The following PLCG1 variants were observed in gnomAD, a reference collection of about 807,000 sequenced individuals.
PLCG1 encodes the protein phospholipase C gamma 1, also known as 1-phosphatidylinositol 4,5-bisphosphate phosphodiesterase gamma-1.
In PLCG1, 71 loss-of-function variants were observed where a neutral mutation model predicts 177.8. The observed-to-expected ratio is 0.40, with a 90% CI of 0.33 to 0.49. The LOEUF (loss-of-function observed/expected upper bound fraction) is 0.49. Ranked by LOEUF, PLCG1 falls within the 20% of genes least tolerant of loss-of-function variation. PLCG1 has a pLI of 0.72. For synonymous variants in PLCG1, 658 were observed against 647.9 expected, an observed-to-expected ratio of 1.02 and a Z score of -0.24; for missense variants, 1,281 against 1,709.0, an observed-to-expected ratio of 0.75 and a Z score of 4.42.
rs892226258 is a variant in PLCG1 at position 41,160,299 on chromosome 20, G to C, written c.512+146G>C. On this transcript the variant is annotated intron_variant, in intron 4 of 31. Transcript: ENST00000685551. The surrounding 1 kb of genome is among the most constrained non-coding windows in gnomAD (Gnocchi z 5.5). ...GAGGGTGGGCAGAAGGTTCTGCCAC[G>C]TGTAGCTTTCTGCACAAAGTCCTCT... 3 of 729,166 alleles carry C rather than the reference G, an allele frequency of 4.1e-6. No individual in the cohort carries two copies. The highest frequency in any genetic ancestry group is 3.5e-5 in the African/African-American group (2 of 57,508). The allele number at this position is 729,166 out of a possible 1,614,324, so 45.2% of individuals were successfully genotyped here.
chr20:41,137,638 A>G lies in PLCG1; in HGVS notation c.-4A>G. 7.6e-7 allele frequency: 1 copy of G among 1,318,638 alleles called. No homozygotes were observed. Among genetic ancestry groups the G allele is most frequent in the Non-Finnish European group, 9.7e-7 (1 of 1,033,082 alleles). 81.7% of individuals were successfully genotyped at this position (1,318,638 alleles called of 1,614,324 possible). Reference sequence around the variant, plus strand: ...GTGCCGCCGCCGCCCCCAGCGTCGGAGCCATGGCGGGCGCCGCGTCCCCTT... The same window carrying G: ...GTGCCGCCGCCGCCCCCAGCGTCGGGGCCATGGCGGGCGCCGCGTCCCCTT... On this transcript the variant is annotated 5_prime_UTR_variant, in exon 1 of 32. Transcript: ENST00000685551. This position sits in a 1 kb window ranked among gnomAD's most constrained non-coding sequence, Gnocchi z 7.3.
At position 41,172,113 on chromosome 20, in the gene PLCG1, C is replaced by T; in HGVS notation, c.2809-80C>T. 2.8e-6 allele frequency: 3 copies of T among 1,058,324 alleles called. No homozygotes were observed. The highest frequency in any genetic ancestry group is 4.5e-6 in the Non-Finnish European group (3 of 673,546). 65.6% of individuals were successfully genotyped at this position (1,058,324 alleles called of 1,614,324 possible). Reference sequence around the variant, plus strand: ...GGGCCCAGAGCACCTGCAGTGTGGGCATGCCCAAGGTTGGCAGGGGCTTCC... The same window carrying T: ...GGGCCCAGAGCACCTGCAGTGTGGGTATGCCCAAGGTTGGCAGGGGCTTCC... On this transcript the variant is annotated intron_variant, in intron 24 of 31. Coordinates refer to ENST00000685551, the MANE Select transcript of PLCG1 (RefSeq NM_002660.3). The surrounding 1 kb of genome is among the most constrained non-coding windows in gnomAD (Gnocchi z 7.0).
At position 41,165,477 on chromosome 20, in the gene PLCG1, A is replaced by C. The variant is rs1331750428; in HGVS notation, c.1537A>C (p.Thr513Pro). The change falls in exon 15 of 32, where the codon ACC becomes CCC. Residue 513 changes from threonine (T) to proline (P), a missense_variant. Around this residue, in one of 4 missense-constraint regions of PLCG1, gnomAD observed 723 missense variants for 1,030.0 expected, o/e 0.70. Coordinates refer to ENST00000685551, the MANE Select transcript of PLCG1 (RefSeq NM_002660.3). This position sits in a 1 kb window ranked among gnomAD's most constrained non-coding sequence, Gnocchi z 6.6. ...HEWYPHYFVL[T>P]SSKIYYSEET... ...ATGGTATCCCCACTACTTTGTTCTG[A>C]CCAGCAGCAAGATCTACTACTCTGA... 1 of 1,613,996 alleles carries C rather than the reference A, an allele frequency of 6.2e-7. No individual in the cohort carries two copies. Among genetic ancestry groups the C allele is most frequent in the Non-Finnish European group, 8.5e-7 (1 of 1,179,960 alleles).
At chr20:41,162,236 T>TG in intron 4 of PLCG1, 1 of 89,310 alleles carries the variant, frequency 1.1e-5, no homozygotes, top group Non-Finnish European at 2.0e-5. Context: ...TTTGTTTTTG[T>TG]TTTTTTTTTT....
Position 41,173,337 on chromosome 20 carries a change from C to A in PLCG1, c.3280-83C>A. The A allele has an allele frequency of 7.0e-7, 1 of 1,419,044 alleles. No homozygotes were observed. The highest frequency in any genetic ancestry group is 2.6e-5 in the Admixed American group (1 of 38,638). The allele number at this position is 1,419,044 out of a possible 1,614,324, so 87.9% of individuals were successfully genotyped here. On this transcript the variant is annotated intron_variant, in intron 27 of 31. Coordinates refer to ENST00000685551, the MANE Select transcript of PLCG1 (RefSeq NM_002660.3). The surrounding 1 kb of genome is among the most constrained non-coding windows in gnomAD (Gnocchi z 6.2). ...AGCAGAGGGCGCGCTGCCTCCACTCCACAGATGCTGACTGAGCCTCCGCAG... is the reference window on the plus strand; with the variant it reads ...AGCAGAGGGCGCGCTGCCTCCACTCAACAGATGCTGACTGAGCCTCCGCAG...
chr20:41,156,052 A>T lies in PLCG1; in HGVS notation c.218-3554A>T, dbSNP rs1158235397. On this transcript the variant is annotated intron_variant, in intron 1 of 31. Coordinates refer to ENST00000685551, the MANE Select transcript of PLCG1 (RefSeq NM_002660.3). This position sits in a 1 kb window ranked among gnomAD's most constrained non-coding sequence, Gnocchi z 5.0. The stretch of plus-strand genomic sequence containing the variant: ...GCCCCAGGATTCTGCCTGGGGCACC[A>T]GGAAGCCTGGCTTATGAGAAGGTTC... 1.2e-4 allele frequency among the ~76,000 whole-genome samples: 18 copies of T among 152,218 alleles called. No individual in the cohort carries two copies.
Position 41,148,418 on chromosome 20 carries a change from G to T in PLCG1, c.217+10560G>T, listed in dbSNP as rs979948742. 1.3e-5 allele frequency among the ~76,000 whole-genome samples: 2 copies of T among 152,098 alleles called. No individual in the cohort carries two copies. The highest frequency in any genetic ancestry group is 4.8e-5 in the African/African-American group (2 of 41,420). ...GTTTCCTTGTAGGAGGGAGACCCCA[G>T]ATTTTTATTTCTTCTCCCAACCCAT... On this transcript the variant is annotated intron_variant, in intron 1 of 31. Coordinates refer to ENST00000685551, the MANE Select transcript of PLCG1 (RefSeq NM_002660.3). This position sits in a 1 kb window ranked among gnomAD's most constrained non-coding sequence, Gnocchi z 4.3.
chr20:41,164,176 A>T lies in PLCG1; in HGVS notation c.1192A>T (p.Lys398Ter). 1 of 1,614,030 alleles carries T rather than the reference A, an allele frequency of 6.2e-7. No homozygotes were observed. The highest frequency in any genetic ancestry group is 8.5e-7 in the Non-Finnish European group (1 of 1,179,986). Residue 398 changes from lysine to a stop codon, truncating the protein, a stop_gained, in exon 12 of 32, where the codon AAG becomes TAG. Coordinates refer to ENST00000685551, the MANE Select transcript of PLCG1 (RefSeq NM_002660.3). LOFTEE classifies it high-confidence loss of function. The surrounding 1 kb of genome is among the most constrained non-coding windows in gnomAD (Gnocchi z 6.4). ...IKFSDVLHTIKEHAFVASEYP... is the reference protein window; with the variant it reads ...IKFSDVLHTI ...GTTCTCAGATGTCCTGCACACCATC[A>T]AGGAGCATGCCTTTGTGGCCTCAGA... is the stretch of plus-strand genomic sequence containing the variant.
rs1428630793 is a variant in PLCG1 at position 41,137,683 on chromosome 20, C to T, written c.42C>T (p.Pro14=). 11 of 1,321,762 alleles carry T rather than the reference C, an allele frequency of 8.3e-6. No homozygotes were observed. In the South Asian group the frequency reaches 1.9e-4, roughly 23 times the overall value. 81.9% of individuals were successfully genotyped at this position (1,321,762 alleles called of 1,614,324 possible). The change falls in exon 1 of 32, where the codon CCC becomes CCT. Residue 14 remains proline (P), a synonymous_variant. Transcript: ENST00000685551. This position sits in a 1 kb window ranked among gnomAD's most constrained non-coding sequence, Gnocchi z 7.3. ...CCCCTTGCGCCAACGGCTGCGGGCC[C>T]GGCGCGCCCTCGGACGCCGAGGTGC... is the stretch of plus-strand genomic sequence containing the variant. ...AASPCANGCG[P]GAPSDAEVLH...
chr20:41,160,089 C>A lies in PLCG1; in HGVS notation c.465-17C>A. On this transcript the variant is annotated splice_polypyrimidine_tract_variant and intron_variant, in intron 3 of 31. Coordinates refer to ENST00000685551, the MANE Select transcript of PLCG1 (RefSeq NM_002660.3). The surrounding 1 kb of genome is among the most constrained non-coding windows in gnomAD (Gnocchi z 5.5). Reference sequence around the variant, plus strand: ...GTAGATGGAGAAGTGGCCCTCACCTCAGGCTTCTCTCTCCAGGTGGCTCCG... The same window carrying A: ...GTAGATGGAGAAGTGGCCCTCACCTAAGGCTTCTCTCTCCAGGTGGCTCCG... 6.2e-7 allele frequency: 1 copy of A among 1,613,964 alleles called. No individual in the cohort carries two copies. Among genetic ancestry groups the A allele is most frequent in the South Asian group, 1.1e-5 (1 of 91,082 alleles).
chr20:41,166,652 C>T lies in PLCG1; in HGVS notation c.2121-27C>T. ...TGCTTGGGTCTGAGCTGCCCTGACC[C>T]TGTGTGACTGTTTTGTCCTTGTGAA... On this transcript the variant is annotated intron_variant, in intron 18 of 31. Transcript: ENST00000685551. This position sits in a 1 kb window ranked among gnomAD's most constrained non-coding sequence, Gnocchi z 8.6. The T allele has an allele frequency of 6.2e-7, 1 of 1,614,060 alleles. No homozygotes were observed.
chr20:41,158,102 C>T (rs952029412), intron 1 of PLCG1, among the ~76,000 whole-genome samples: 3 of 151,978 alleles, frequency 2.0e-5, no homozygotes, highest in Admixed American at 6.6e-5. Context: ...AGAAATGTGT[C>T]GGGGAGCTAG....
At position 41,146,584 on chromosome 20, in the gene PLCG1, G is replaced by A. The variant is rs1218116587; in HGVS notation, c.217+8726G>A. On this transcript the variant is annotated intron_variant, in intron 1 of 31. Coordinates refer to ENST00000685551, the MANE Select transcript of PLCG1 (RefSeq NM_002660.3). The surrounding 1 kb of genome is among the most constrained non-coding windows in gnomAD (Gnocchi z 6.3). ...TGAGGAGTTGGGCCATGGCGAGTTT[G>A]GCCACTTGTTTGTGTGTGTTTAGTT... Among the ~76,000 whole-genome samples, 1 of 152,214 alleles carries A rather than the reference G, an allele frequency of 6.6e-6. No individual in the cohort carries two copies. The highest frequency in any genetic ancestry group is 2.4e-5 in the African/African-American group (1 of 41,454).
chr20:41,170,021 A>C, intron 23 of PLCG1, 91 bp from the exon 24 acceptor site: 3 of 1,171,318 alleles, frequency 2.6e-6, no homozygotes, highest in Non-Finnish European at 3.7e-6. Context: ...GGGATGAGAT[A>C]GAACTCATTT....
rs1166685113 is a variant in PLCG1, at chr20:41,163,444, C to G, written c.856C>G (p.Arg286Gly). The G allele has an allele frequency of 1.2e-6, 2 of 1,612,318 alleles. No homozygotes were observed. The highest frequency in any genetic ancestry group is 2.2e-5 in the East Asian group (1 of 44,870). Residue 286 changes from arginine (R) to glycine (G), a missense_variant, in exon 9 of 32, where the codon CGA becomes GGA. Physicochemically the swap from Arg to Gly is moderately radical, Grantham distance 125. Around this residue, in one of 4 missense-constraint regions of PLCG1, gnomAD observed 374 missense variants for 443.8 expected, o/e 0.84. Transcript: ENST00000685551. This position sits in a 1 kb window ranked among gnomAD's most constrained non-coding sequence, Gnocchi z 5.2. ...GCTCAGCTTCCTCCGAGACCCCTTACGAGAGATCGAGGAGCCATACTTCTT... is the reference window on the plus strand; with the variant it reads ...GCTCAGCTTCCTCCGAGACCCCTTAGGAGAGATCGAGGAGCCATACTTCTT... ...FMLSFLRDPL[R>G]EIEEPYFFLD... is the part of the protein sequence containing the mutation.
Position 41,176,924 on chromosome 20 carries a change from G to A in PLCG1, c.*2415G>A, listed in dbSNP as rs1982836699. ...CTACAGTGCGACAGCTCAGGGTTAT[G>A]ACCTGTGGAGTCTCAACCCTAACAG... is the stretch of plus-strand genomic sequence containing the variant. On this transcript the variant is annotated 3_prime_UTR_variant, in exon 32 of 32. Transcript: ENST00000685551. The A allele has an allele frequency of 6.6e-6, 1 of 152,264 alleles. No homozygotes were observed. Among genetic ancestry groups the A allele is most frequent in the Non-Finnish European group, 1.5e-5 (1 of 68,060 alleles). The allele number at this position is 152,264 out of a possible 1,614,324, so 9.4% of individuals were successfully genotyped here.
Position 41,175,349 on chromosome 20 carries a change from G to GT in PLCG1, c.*846dup, listed in dbSNP as rs982242541. The GT allele has an allele frequency of 7.9e-5, 12 of 152,064 alleles. No individual in the cohort carries two copies. Among genetic ancestry groups the GT allele is most frequent in the African/African-American group, 1.7e-4 (7 of 41,382 alleles). The allele number at this position is 152,064 out of a possible 1,614,324, so 9.4% of individuals were successfully genotyped here. A position where few individuals can be genotyped will look rare whatever the true frequency, so the allele number is the denominator to read the frequency against. ...AAATAGCAGAGCCTATTTTGGTGAGGTTTTTTGTTTTTAAGTCAAAGAAGA... is the reference window on the plus strand; with the variant it reads ...AAATAGCAGAGCCTATTTTGGTGAGGTTTTTTTGTTTTTAAGTCAAAGAAGA... On this transcript the variant is annotated 3_prime_UTR_variant, in exon 32 of 32. Coordinates refer to ENST00000685551, the MANE Select transcript of PLCG1 (RefSeq NM_002660.3).
At position 41,175,063 on chromosome 20, in the gene PLCG1, G is replaced by C. The variant is rs1222892187; in HGVS notation, c.*554G>C. On this transcript the variant is annotated 3_prime_UTR_variant, in exon 32 of 32. Transcript: ENST00000685551. The stretch of plus-strand genomic sequence containing the variant: ...AGGGTTCTGCCCTGCCTGAGGAGGA[G>C]GACACAGCACAAGGGCACATTGCCC... 1 of 155,236 alleles carries C rather than the reference G, an allele frequency of 6.4e-6. No homozygotes were observed. Among genetic ancestry groups the C allele is most frequent in the African/African-American group, 2.4e-5 (1 of 41,454 alleles). The allele number at this position is 155,236 out of a possible 1,614,324, so 9.6% of individuals were successfully genotyped here. A position where few individuals can be genotyped will look rare whatever the true frequency, so the allele number is the denominator to read the frequency against.
chr20:41,164,266 G>A lies in PLCG1; in HGVS notation c.1217+65G>A, dbSNP rs909679042. ...CCAGGTCTCTCGTTCTAGAGGGACA[G>A]AGGGCAGAAAGACTCCTCAAATGCC... is the stretch of plus-strand genomic sequence containing the variant. On this transcript the variant is annotated intron_variant, in intron 12 of 31. Coordinates refer to ENST00000685551, the MANE Select transcript of PLCG1 (RefSeq NM_002660.3). The surrounding 1 kb of genome is among the most constrained non-coding windows in gnomAD (Gnocchi z 6.4). 217 of 1,560,836 alleles carry A rather than the reference G, an allele frequency of 1.4e-4. No homozygotes were observed. The highest frequency in any genetic ancestry group is 5.0e-4 in the Middle Eastern group (3 of 5,986).
Sources: gnomAD v4.1 joint callset for allele counts (sites outside exome capture counted in the v4.1 genomes callset) on GRCh38, gnomAD v4.1.1 for gene constraint, gnomAD v4.1.1 regional missense constraint, Gnocchi (gnomAD v3.1) non-coding constraint, MANE v1.5 for transcripts, NCBI Gene and HGNC (gene_info 2026-07-23, HGNC 2026-07-21) for gene names.